The following CCDC63 variants were observed in gnomAD, a reference collection of about 807,000 sequenced individuals.
CCDC63 encodes coiled-coil domain-containing protein 63.
Under a neutral mutation model 63.6 loss-of-function variants are expected in CCDC63, and 54 were observed. The observed-to-expected ratio is 0.85, with a 90% CI of 0.68 to 1.07. The LOEUF is 1.07. Ranked by LOEUF, CCDC63 falls within the 50% of genes least tolerant of loss-of-function variation. CCDC63 has a pLI of 0.00. For synonymous variants in CCDC63, 253 were observed against 266.1 expected (o/e 0.95, Z 0.48); for missense variants, 637 against 689.6 (o/e 0.92, Z 0.86).
In CCDC63 at chr12:110,899,158, G is replaced by A. The variant is rs1242483982; in HGVS notation, c.1342+33G>A. On this transcript the variant is annotated intron_variant, in intron 10 of 11. Transcript: ENST00000308208. The stretch of plus-strand genomic sequence containing the variant: ...AAGCTGGGGCCCGTTGGAGTCTTAG[G>A]AAACATTTCCAGAACTTTCTGTGAC... The A allele has an allele frequency of 1.1e-5, 17 of 1,577,586 alleles. No individual in the cohort carries two copies. In the East Asian group the frequency reaches 3.8e-4, roughly 36 times the overall value.
intron 2 of CCDC63, 103 bp downstream of exon 2, chr12:110,853,066 T>C (rs2070726138): frequency 1.2e-5 from 15 of 1,288,384 alleles, no homozygotes; most frequent in South Asian, 7.4e-5. Context: ...AACAGATCTG[T>C]GCTCACCCAT....
intron 1 of CCDC63, among the ~76,000 whole-genome samples, chr12:110,849,020 A>G (rs748329515): frequency 1.3e-5 from 2 of 152,222 alleles, no homozygotes; most frequent in East Asian, 1.9e-4. Context: ...TGATCAAGAT[A>G]CAGAACCATT....
chr12:110,885,105 AC>A (rs1343739681), intron 8 of CCDC63, among the ~76,000 whole-genome samples: 1 of 151,882 alleles, frequency 6.6e-6, no homozygotes, highest in Non-Finnish European at 1.5e-5. Flanking sequence ...CATTCAGTAA[AC>A]TACAGTCCAT....
At chr12:110,888,082 T>C (rs970602214) in intron 8 of CCDC63, among the ~76,000 whole-genome samples, 5 of 152,158 alleles carry the variant, frequency 3.3e-5, no homozygotes. Context: ...AACGGAGCCA[T>C]CGGCTCCCTC....
rs143591206 is a variant in CCDC63, at chr12:110,881,289, G to A, written c.846G>A (p.Arg282=). The A allele has an allele frequency of 1.8e-5, 29 of 1,612,934 alleles. No individual in the cohort carries two copies. In the African/African-American group the frequency reaches 3.1e-4, roughly 17 times the overall value. ...DRNEFEEQAK[R]EEALKAKKHV... ...ATGAATTCGAGGAGCAGGCCAAAAG[G>A]GAGGAAGGTACACCCTCCAGGAGCA... Residue 282 remains arginine (R), a synonymous_variant, in exon 7 of 12, where the codon AGG becomes AGA. Coordinates refer to ENST00000308208, the MANE Select transcript of CCDC63 (RefSeq NM_152591.3).
chr12:110,906,010 A>ATATATATATTATATTAT (rs2071570802), intron 11 of CCDC63, among the ~76,000 whole-genome samples: 1 of 5,992 alleles, frequency 1.7e-4, no homozygotes, highest in Non-Finnish European at 3.4e-4. Flanking sequence ...ATATTATATA[A>ATATATATATTATATTAT]TATAATATAT....
chr12:110,866,941 CGGGG>C (rs1251881332), intron 4 of CCDC63, among the ~76,000 whole-genome samples: 1 of 135,072 alleles, frequency 7.4e-6, no homozygotes. Flanking sequence ...GCTGGCCGGG[CGGGG>C]GGCTGACCCC....
chr12:110,848,751 G>A (rs2070670769), intron 1 of CCDC63, among the ~76,000 whole-genome samples: 1 of 152,198 alleles, frequency 6.6e-6, no homozygotes, highest in Admixed American at 6.5e-5. Context: ...TGAGGAAACT[G>A]AAGCTCAGAG....
In CCDC63 at chr12:110,889,715, A is replaced by G. The variant is rs2071332782; in HGVS notation, c.1075-3361A>G. Among the ~76,000 whole-genome samples, 2 of 152,166 alleles carry G rather than the reference A, an allele frequency of 1.3e-5. No homozygotes were observed. The highest frequency in any genetic ancestry group is 1.9e-4 in the East Asian group (1 of 5,196). ...GATCTCCGAGCAGGGGAGCGGTGCC[A>G]TCGACTCAGGTTATTGATGCAATTT... On this transcript the variant is annotated intron_variant, in intron 8 of 11. Transcript: ENST00000308208. This position sits in a 1 kb window ranked among gnomAD's most constrained non-coding sequence, Gnocchi z 4.1.
At chr12:110,906,045 T>C (rs1280078484) in intron 11 of CCDC63, among the ~76,000 whole-genome samples, 1 of 70,640 alleles carries the variant, frequency 1.4e-5, no homozygotes, top group Non-Finnish European at 2.5e-5. Context: ...TAATATAATA[T>C]ATAATATATA....
intron 4 of CCDC63, among the ~76,000 whole-genome samples, chr12:110,867,442 C>T (rs1486630258): frequency 1.7e-5 from 2 of 114,536 alleles, no homozygotes; most frequent in African/African-American, 7.0e-5. Flanking sequence ...GCTGGCCGGG[C>T]TGAGGGGCTC....
At chr12:110,848,028 G>C (rs957253915) in intron 1 of CCDC63, among the ~76,000 whole-genome samples, 1 of 152,236 alleles carries the variant, frequency 6.6e-6, no homozygotes, top group Non-Finnish European at 1.5e-5. Context: ...CCCCTGACCT[G>C]GGCTGCTGGG....
In CCDC63 at chr12:110,867,068, C is replaced by T. The variant is rs1484812880; in HGVS notation, c.370-6774C>T. ...GGGGCTCCTCACCTCCCAGTAGGGG[C>T]GGCCGGGCAGAGGCACCCCTCACCT... On this transcript the variant is annotated intron_variant, in intron 4 of 11. Transcript: ENST00000308208. 2.1e-4 allele frequency among the ~76,000 whole-genome samples: 30 copies of T among 141,650 alleles called. No homozygotes were observed. In the East Asian group the frequency reaches 6.3e-3, roughly 30 times the overall value. 92.9% of individuals were successfully genotyped at this position (141,650 alleles called of 152,430 possible).
At chr12:110,870,650 GA>G (rs534467516) in intron 4 of CCDC63, among the ~76,000 whole-genome samples, 304 of 152,194 alleles carry the variant, frequency 2.0e-3, no homozygotes, top group Non-Finnish European at 3.5e-3. Context: ...TATGAGGCCA[GA>G]CCCCATCCTG....
At chr12:110,900,439 T>G (rs551566861) in intron 10 of CCDC63, among the ~76,000 whole-genome samples, 1 of 152,258 alleles carries the variant, frequency 6.6e-6, no homozygotes, top group South Asian at 2.1e-4. Flanking sequence ...AGGAATAAAG[T>G]GCTCAGAGTA....
intron 6 of CCDC63, 136 bp from the exon 7 acceptor site, chr12:110,880,979 T>C: frequency 1.3e-6 from 1 of 743,358 alleles, no homozygotes; most frequent in Non-Finnish European, 2.0e-6. Flanking sequence ...AGGATTGTTT[T>C]TACACACCGA....
chr12:110,903,576 G>A (rs916281586), intron 10 of CCDC63, among the ~76,000 whole-genome samples: 4 of 152,140 alleles, frequency 2.6e-5, no homozygotes, highest in East Asian at 3.8e-4. Context: ...CATCCTTAGC[G>A]TCTAGCACGG....
At position 110,907,503 on chromosome 12, in the gene CCDC63, A is replaced by G; in HGVS notation, c.*27A>G. The G allele has an allele frequency of 6.2e-7, 1 of 1,613,414 alleles. No individual in the cohort carries two copies. Among genetic ancestry groups the G allele is most frequent in the Non-Finnish European group, 8.5e-7 (1 of 1,179,528 alleles). On this transcript the variant is annotated 3_prime_UTR_variant, in exon 12 of 12. Coordinates refer to ENST00000308208, the MANE Select transcript of CCDC63 (RefSeq NM_152591.3). The surrounding 1 kb of genome is among the most constrained non-coding windows in gnomAD (Gnocchi z 4.4). ...GTGCATGCATGGGGCCACCTTTGCA[A>G]CATAACCGAAAGAATAAATGTTTTG...
intron 6 of CCDC63, among the ~76,000 whole-genome samples, 180 bp downstream of exon 6, chr12:110,880,267 A>G (rs1012600890): frequency 6.6e-6 from 1 of 152,124 alleles, no homozygotes; most frequent in Non-Finnish European, 1.5e-5. Flanking sequence ...TCTGGTGGGT[A>G]TTGTTTTAAC....
Sources: allele counts gnomAD v4.1 joint callset (sites outside exome capture counted in the v4.1 genomes callset), GRCh38; gene constraint gnomAD v4.1.1; non-coding constraint Gnocchi (gnomAD v3.1); transcripts MANE v1.5; gene names NCBI Gene and HGNC (gene_info 2026-07-23, HGNC 2026-07-21).